The following ATP13A2 variants were observed in gnomAD, a reference collection of about 807,000 sequenced individuals.
ATP13A2 encodes ATPase cation transporting 13A2, also known as polyamine-transporting ATPase 13A2.
A neutral mutation model predicts 138.3 loss-of-function variants in ATP13A2; 83 were observed. The observed-to-expected ratio is 0.60, with a 90% CI of 0.50 to 0.72. The LOEUF (loss-of-function observed/expected upper bound fraction) is 0.72, where lower values mean the gene tolerates loss of function less well. Ranked by LOEUF, ATP13A2 falls within the 30% of genes least tolerant of loss-of-function variation. The probability of loss-of-function intolerance (pLI) is 0.00; values close to 1 mark genes in which losing one functional copy is unlikely to be tolerated. For missense variants in ATP13A2, 1,402 were observed against 1,606.4 expected, an observed-to-expected ratio of 0.87 and a Z score of 2.17; for synonymous variants, 663 against 699.0, an observed-to-expected ratio of 0.95 and a Z score of 0.81.
At chr1:17,000,852 G>A (rs552716368) in intron 8 of ATP13A2, 1 of 329,080 alleles carries the variant, frequency 3.0e-6, no homozygotes, top group South Asian at 3.6e-5. Flanking sequence ...TGAGGTGGGA[G>A]GATCACTTAA....
chr1:16,996,713 T>A, intron 12 of ATP13A2: 1 of 617,718 alleles, frequency 1.6e-6, no homozygotes, highest in South Asian at 2.0e-5. Flanking sequence ...AAACACTGGG[T>A]GGTTCCACTG....
Position 16,986,415 on chromosome 1 carries a change from CCCCCACCT to C in ATP13A2, c.3405+40_3405+47del. On this transcript the variant is annotated intron_variant, in intron 28 of 28. Coordinates refer to ENST00000326735, the MANE Select transcript of ATP13A2 (RefSeq NM_022089.4). The surrounding 1 kb of genome is among the most constrained non-coding windows in gnomAD (Gnocchi z 6.9). Reference sequence around the variant, plus strand: ...CCGGGGCTGAGCTGGGGTCAATGCACCCCCACCTCCCTTCTCTCCCGCTGCTGAGACCC... The same window carrying C: ...CCGGGGCTGAGCTGGGGTCAATGCACCCCTTCTCTCCCGCTGCTGAGACCC... 6.2e-7 allele frequency: 1 copy of C among 1,604,170 alleles called. No individual in the cohort carries two copies. The highest frequency in any genetic ancestry group is 1.1e-5 in the South Asian group (1 of 90,336).
rs1343080171 is a variant in ATP13A2, at chr1:16,996,146, C to T, written c.1372G>A (p.Val458Ile). Residue 458 changes from valine (V) to isoleucine (I), a missense_variant, in exon 15 of 29, where the codon GTA becomes ATA. Physicochemically the swap from Val to Ile is conservative, Grantham distance 29 (BLOSUM62 3). Coordinates refer to ENST00000326735, the MANE Select transcript of ATP13A2 (RefSeq NM_022089.4). ...GTCACCAGGTCGAGAGCCCGGATTA[C>T]AATCTCATTCAGAGGCACCTGGCAG... is the stretch of plus-strand genomic sequence containing the variant. The part of the protein sequence containing the change: ...YRNRVPLNEI[V>I]IRALDLVTVV... 2 of 1,614,160 alleles carry T rather than the reference C, an allele frequency of 1.2e-6. No homozygotes were observed. The highest frequency in any genetic ancestry group is 1.7e-5 in the Admixed American group (1 of 60,036).
chr1:17,011,544 A>G lies in ATP13A2; in HGVS notation c.10+185T>C, dbSNP rs1051295463. Among the ~76,000 whole-genome samples the G allele has an allele frequency of 1.3e-5, 2 of 152,082 alleles. No homozygotes were observed. The highest frequency in any genetic ancestry group is 2.9e-5 in the Non-Finnish European group (2 of 67,970). ...ATCCCCAGCCCCGGCGTCTCTGGGA[A>G]GAAACCGGGGCCGAGTCCCCGTCAA... On this transcript the variant is annotated intron_variant, in intron 1 of 28. Coordinates refer to ENST00000326735, the MANE Select transcript of ATP13A2 (RefSeq NM_022089.4). This position sits in a 1 kb window ranked among gnomAD's most constrained non-coding sequence, Gnocchi z 7.3.
At chr1:17,010,149 C>T (rs2077730961) in intron 1 of ATP13A2, among the ~76,000 whole-genome samples, 1 of 148,128 alleles carries the variant, frequency 6.8e-6, no homozygotes, top group Non-Finnish European at 1.5e-5. Flanking sequence ...GAGATCTCAG[C>T]TCACTGCACC....
chr1:16,989,900 T>C lies in ATP13A2; in HGVS notation c.2516A>G (p.Lys839Arg), dbSNP rs1232248532. 1.2e-6 allele frequency: 2 copies of C among 1,603,172 alleles called. No homozygotes were observed. Among genetic ancestry groups the C allele is most frequent in the South Asian group, 1.1e-5 (1 of 90,008 alleles). Reference sequence around the variant, plus strand: ...GGGCGGCCCTACCTTGGGCAGCAGCTTGGGGAAGTGCTTCACAATGATACC... The same window carrying C: ...GGGCGGCCCTACCTTGGGCAGCAGCCTGGGGAAGTGCTTCACAATGATACC... ...TFGIIVKHFP[K>R]LLPKVLVQGT... The change falls in exon 22 of 29, where the codon AAG becomes AGG. Residue 839 changes from lysine (K) to arginine (R), a missense_variant. Lys to Arg is a conservative substitution (Grantham distance 26). Transcript: ENST00000326735.
In ATP13A2 at chr1:16,997,044, C is replaced by A; in HGVS notation, c.1171G>T (p.Val391Phe). ...CCTGTGCGGGTCACCACTGCCAGGACGTGCGGTCCCACATAGGCCCGGGCC... is the reference window on the plus strand; with the variant it reads ...CCTGTGCGGGTCACCACTGCCAGGAAGTGCGGTCCCACATAGGCCCGGGCC... ...LQARAYVGPH[V>F]LAVVTRTGFC... Residue 391 changes from valine to phenylalanine, a missense_variant, in exon 12 of 29, where the codon GTC becomes TTC. By Grantham distance (50) the Val-to-Phe change is conservative. Transcript: ENST00000326735. 1 of 1,612,788 alleles carries A rather than the reference C, an allele frequency of 6.2e-7. No individual in the cohort carries two copies. The highest frequency in any genetic ancestry group is 1.3e-5 in the African/African-American group (1 of 75,012).
chr1:17,000,326 A>G lies in ATP13A2; in HGVS notation c.841-14T>C, dbSNP rs1405146209. The G allele has an allele frequency of 6.3e-7, 1 of 1,583,158 alleles. No individual in the cohort carries two copies. The highest frequency in any genetic ancestry group is 2.3e-5 in the East Asian group (1 of 43,212). ...AGTCTGGCTTTGCTGTGGGCAGGGGACAAGAGGGCCGTGAGTGGGTGGGGG... is the reference window on the plus strand; with the variant it reads ...AGTCTGGCTTTGCTGTGGGCAGGGGGCAAGAGGGCCGTGAGTGGGTGGGGG... On this transcript the variant is annotated splice_polypyrimidine_tract_variant and intron_variant, in intron 9 of 28. Coordinates refer to ENST00000326735, the MANE Select transcript of ATP13A2 (RefSeq NM_022089.4).
Position 16,991,953 on chromosome 1 carries a change from G to A in ATP13A2, c.2126+56C>T, listed in dbSNP as rs57809155. The stretch of plus-strand genomic sequence containing the variant: ...GGCATCTTCCTTGGGCTCTGCCTGC[G>A]TGAGAGCCTCCCTCTGCCTAGTCCT... On this transcript the variant is annotated intron_variant, in intron 19 of 28. Transcript: ENST00000326735. 3,276 of 1,609,150 alleles carry A rather than the reference G, an allele frequency of 2.0e-3. 36 individuals are homozygous for A. Among genetic ancestry groups the A allele is most frequent in the East Asian group, 0.019 (855 of 44,708 alleles).
rs200585407 is a variant in ATP13A2, at chr1:16,991,871, C to T, written c.2127-13G>A. 30 of 1,614,054 alleles carry T rather than the reference C, an allele frequency of 1.9e-5. No homozygotes were observed. In the East Asian group the frequency reaches 6.2e-4, roughly 34 times the overall value. ...TTCCACAGTGTCCCTGGAGGGTGGG[C>T]AGACCTGGATCAGAGGTCATGCAGT... is the stretch of plus-strand genomic sequence containing the variant. On this transcript the variant is annotated splice_polypyrimidine_tract_variant and intron_variant, in intron 19 of 28. Transcript: ENST00000326735.
At position 16,991,834 on chromosome 1, in the gene ATP13A2, G is replaced by A. The variant is rs544545629; in HGVS notation, c.2151C>T (p.Ser717=). 2.2e-4 allele frequency: 357 copies of A among 1,614,130 alleles called. 6 individuals are homozygous for A. The South Asian group carries it at 3.7e-3, about 17-fold the overall frequency. The change falls in exon 20 of 29, where the codon AGC becomes AGT. Residue 717 remains serine (S), a synonymous_variant. Transcript: ENST00000326735. ...TCCTCATGACCAGCAGCCCCAGGAG[G>A]CTCAGGTCTCCTTCCACAGTGTCCC... is the stretch of plus-strand genomic sequence containing the variant. The part of the protein sequence containing the change: ...LTRDTVEGDL[S]LLGLLVMRNL...
chr1:16,999,555 G>A (rs947100719), intron 11 of ATP13A2, among the ~76,000 whole-genome samples: 3 of 152,090 alleles, frequency 2.0e-5, no homozygotes, highest in South Asian at 2.1e-4. Context: ...ACGTGGTAAC[G>A]GCCCAGGGGT....
At position 16,995,933 on chromosome 1, in the gene ATP13A2, T is replaced by C; in HGVS notation, c.1542+43A>G. The C allele has an allele frequency of 2.5e-6, 4 of 1,611,852 alleles. No homozygotes were observed. Among genetic ancestry groups the C allele is most frequent in the Non-Finnish European group, 3.4e-6 (4 of 1,179,280 alleles). On this transcript the variant is annotated intron_variant, in intron 15 of 28. Transcript: ENST00000326735. This position sits in a 1 kb window ranked among gnomAD's most constrained non-coding sequence, Gnocchi z 4.1. The stretch of plus-strand genomic sequence containing the variant: ...TGTGGAGGCCTCACTGGGGCGCCTG[T>C]GGCTGTCCCGCTCCCCTGCACCAAC...
In ATP13A2 at chr1:16,986,263, G is replaced by A. The variant is rs781135190; in HGVS notation, c.3501C>T (p.Ala1167=). ...CGGGCAGCGGCGGCCAGGGCTGCTCGGCCAGCTCTCGTTCCAGCTGCTTGA... is the reference window on the plus strand; with the variant it reads ...CGGGCAGCGGCGGCCAGGGCTGCTCAGCCAGCTCTCGTTCCAGCTGCTTGA... The part of the protein sequence containing the change: ...KRFKQLEREL[A]EQPWPPLPAG... Residue 1167 remains alanine, a synonymous_variant, in exon 29 of 29, where the codon GCC becomes GCT. Transcript: ENST00000326735. The surrounding 1 kb of genome is among the most constrained non-coding windows in gnomAD (Gnocchi z 6.9). 29 of 1,607,510 alleles carry A rather than the reference G, an allele frequency of 1.8e-5. No individual in the cohort carries two copies. Among genetic ancestry groups the A allele is most frequent in the Middle Eastern group, 3.4e-4 (2 of 5,924 alleles).
At chr1:16,991,193 C>T (rs973226498) in intron 20 of ATP13A2, among the ~76,000 whole-genome samples, 4 of 152,140 alleles carry the variant, frequency 2.6e-5, no homozygotes, top group Admixed American at 6.6e-5. Flanking sequence ...TCAAGTGATC[C>T]GCCCGCGTCG....
rs1385346557 is a variant in ATP13A2, at chr1:16,997,122, A to G, written c.1093T>C (p.Cys365Arg). The G allele has an allele frequency of 3.0e-5, 48 of 1,613,722 alleles. No homozygotes were observed. Among genetic ancestry groups the G allele is most frequent in the Non-Finnish European group, 3.8e-5 (45 of 1,180,018 alleles). ...TALPEGLGPY[C>R]AETHRRHTLF... Reference sequence around the variant, plus strand: ...GTGTGCCGCCGGTGTGTCTCTGCACAGTAGGGCCCCAGCCCCTCCGGCAGT... The same window carrying G: ...GTGTGCCGCCGGTGTGTCTCTGCACGGTAGGGCCCCAGCCCCTCCGGCAGT... Residue 365 changes from cysteine to arginine, a missense_variant, in exon 12 of 29, where the codon TGT becomes CGT. By Grantham distance (180) the Cys-to-Arg change is radical (BLOSUM62 -3). Transcript: ENST00000326735.
intron 1 of ATP13A2, among the ~76,000 whole-genome samples, chr1:17,007,126 G>A (rs1046874092): frequency 6.6e-6 from 1 of 152,140 alleles, no homozygotes; most frequent in Non-Finnish European, 1.5e-5. Context: ...TGATCCACCC[G>A]CCTTGCCTCC....
chr1:17,009,557 C>T (rs906911049), intron 1 of ATP13A2, among the ~76,000 whole-genome samples: 21 of 151,898 alleles, frequency 1.4e-4, no homozygotes, highest in Admixed American at 6.6e-4. Context: ...GCCACTGCAC[C>T]AGGCTAATTT....
rs570215891 is a variant in ATP13A2 at position 16,994,167 on chromosome 1, C to T, written c.1543-332G>A. Among the ~76,000 whole-genome samples, 14 of 149,886 alleles carry T rather than the reference C, an allele frequency of 9.3e-5. No homozygotes were observed. The South Asian group carries it at 1.7e-3, about 18-fold the overall frequency. On this transcript the variant is annotated intron_variant, in intron 15 of 28. Transcript: ENST00000326735. Reference sequence around the variant, plus strand: ...CACTTGTGCATTGTGGTTAAGGACCCGGCCCACGGTTGGCTCGCTCTCTCT... The same window carrying T: ...CACTTGTGCATTGTGGTTAAGGACCTGGCCCACGGTTGGCTCGCTCTCTCT...
Sources: allele counts gnomAD v4.1 joint callset (sites outside exome capture counted in the v4.1 genomes callset), GRCh38; gene constraint gnomAD v4.1.1; non-coding constraint Gnocchi (gnomAD v3.1); transcripts MANE v1.5; gene names NCBI Gene and HGNC (gene_info 2026-07-23, HGNC 2026-07-21).